ZBTB41: variants seen among roughly 807,000 people sequenced by gnomAD.
ZBTB41 encodes the protein zinc finger and BTB domain-containing protein 41.
In ZBTB41, 42 loss-of-function variants were observed where a neutral mutation model predicts 87.6. That is an observed-to-expected ratio of 0.48 (90% CI 0.37 to 0.62). ZBTB41 has a LOEUF of 0.62. Ranked by LOEUF, ZBTB41 falls within the 20% of genes least tolerant of loss-of-function variation. ZBTB41 has a pLI of 0.00. For synonymous variants in ZBTB41, 364 were observed against 364.0 expected (o/e 1.00, Z 0.00); for missense variants, 799 against 1,078.9 (o/e 0.74, Z 3.63).
intron 5 of ZBTB41, among the ~76,000 whole-genome samples, chr1:197,187,790 A>T (rs1304173260): frequency 6.6e-6 from 1 of 152,172 alleles, no homozygotes; most frequent in Non-Finnish European, 1.5e-5. Context: ...CAGTAAAAAG[A>T]TCATCAAATA....
chr1:197,173,297 AGGATT>A (rs1356458930), intron 9 of ZBTB41, among the ~76,000 whole-genome samples: 1 of 152,168 alleles, frequency 6.6e-6, no homozygotes, highest in African/African-American at 2.4e-5. Flanking sequence ...TACTATGCCT[AGGATT>A]TTAAATGTCC....
chr1:197,200,391 G>A lies in ZBTB41; in HGVS notation c.83C>T (p.Ala28Val), dbSNP rs1195368882. 3.7e-6 allele frequency: 6 copies of A among 1,613,650 alleles called. No individual in the cohort carries two copies. The highest frequency in any genetic ancestry group is 5.1e-6 in the Non-Finnish European group (6 of 1,179,896). Residue 28 changes from alanine to valine, a missense_variant, in exon 2 of 11, where the codon GCA (alanine) becomes GTA (valine). Transcript: ENST00000367405. ...YHKDSSEGNV[A>V]VECDQVTYTH... ...ATAGGTCACTTGGTCACACTCCACT[G>A]CAACATTTCCTTCTGAAGAATCTTT...
At chr1:197,184,793 A>G (rs1659839510) in intron 5 of ZBTB41, among the ~76,000 whole-genome samples, 1 of 78,942 alleles carries the variant, frequency 1.3e-5, no homozygotes, top group Admixed American at 1.8e-4. Context: ...TAAGTTTACA[A>G]CTATTTATTT....
At position 197,191,700 on chromosome 1, in the gene ZBTB41, A is replaced by G; in HGVS notation, c.1320T>C (p.His440=). Residue 440 remains histidine, a synonymous_variant, in exon 3 of 11, where the codon CAT becomes CAC. Coordinates refer to ENST00000367405, the MANE Select transcript of ZBTB41 (RefSeq NM_194314.3). ...AGCAAGATAATACTTGCCTCTTAAC[A>G]TGCTTGGCTAAAGTCTTCTTGCTTG... ...LHASKKTLAK[H]VKRFHPENAQ... 2 of 1,611,704 alleles carry G rather than the reference A, an allele frequency of 1.2e-6. No individual in the cohort carries two copies. Among genetic ancestry groups the G allele is most frequent in the Non-Finnish European group, 1.7e-6 (2 of 1,178,932 alleles).
At chr1:197,190,908 A>G (rs1660010219) in intron 3 of ZBTB41, 77 bp from the exon 4 acceptor site, 2 of 918,298 alleles carry the variant, frequency 2.2e-6, no homozygotes, top group African/African-American at 3.4e-5. Context: ...ATATGTTGAC[A>G]GTAATTACCA....
chr1:197,184,015 T>C (rs1659822578), intron 5 of ZBTB41, among the ~76,000 whole-genome samples: 1 of 152,202 alleles, frequency 6.6e-6, no homozygotes, highest in Admixed American at 6.5e-5. Context: ...GTTCCAACAC[T>C]TAAAAAGTTA....
In ZBTB41 at chr1:197,200,445, T is replaced by C; in HGVS notation, c.29A>G (p.Asn10Ser). The C allele has an allele frequency of 1.9e-6, 3 of 1,600,966 alleles. No homozygotes were observed. The Admixed American group carries it at 5.3e-5, about 28-fold the overall frequency. ...ATAGCCTAGATGGATCTTCTCAAGA[T>C]TTGAAGTAACCTTTCTCCTCTTCTT... MKKRRKVTSNLEKIHLGYHK... is the reference protein window; with the variant it reads MKKRRKVTSSLEKIHLGYHK... Residue 10 changes from asparagine (N) to serine (S), a missense_variant, in exon 2 of 11, where the codon AAT becomes AGT. This residue lies in a region of ZBTB41 where 77 missense variants were observed against 68.4 expected (regional missense o/e 1.13). Transcript: ENST00000367405.
In ZBTB41 at chr1:197,196,395, T is replaced by A. The variant is rs535523305; in HGVS notation, c.1120+2959A>T. ...GTCTACTTAGTCTACATTCAATGTA[T>A]CATAACTCTCTGCTTTACTCTCATT... On this transcript the variant is annotated intron_variant, in intron 2 of 10. Transcript: ENST00000367405. Among the ~76,000 whole-genome samples, 6 of 152,278 alleles carry A rather than the reference T, an allele frequency of 3.9e-5. No individual in the cohort carries two copies. In the South Asian group the frequency reaches 6.2e-4, roughly 16 times the overall value.
At position 197,199,289 on chromosome 1, in the gene ZBTB41, A is replaced by G. The variant is rs1322549650; in HGVS notation, c.1120+65T>C. 2.9e-6 allele frequency: 4 copies of G among 1,400,034 alleles called. No individual in the cohort carries two copies. The African/African-American group carries it at 4.4e-5, about 15-fold the overall frequency. 86.7% of individuals were successfully genotyped at this position (1,400,034 alleles called of 1,614,324 possible). A position where few individuals can be genotyped will look rare whatever the true frequency, so the allele number is the denominator to read the frequency against. On this transcript the variant is annotated intron_variant, in intron 2 of 10. Transcript: ENST00000367405. Reference sequence around the variant, plus strand: ...TACTTTCCAAGTTTAGTTTTTATTTATCACCTTTAAAATATCCAAGAAAAG... The same window carrying G: ...TACTTTCCAAGTTTAGTTTTTATTTGTCACCTTTAAAATATCCAAGAAAAG...
intron 2 of ZBTB41, among the ~76,000 whole-genome samples, chr1:197,193,390 A>T (rs895859256): frequency 6.6e-6 from 1 of 151,936 alleles, no homozygotes; most frequent in Admixed American, 6.6e-5. Flanking sequence ...ACAAACAAAA[A>T]AAAAACCAAA....
chr1:197,179,634 C>G (rs1405286395), intron 6 of ZBTB41, among the ~76,000 whole-genome samples: 1 of 152,006 alleles, frequency 6.6e-6, no homozygotes, highest in Non-Finnish European at 1.5e-5. Flanking sequence ...TGTACTGTCC[C>G]TGAAGACCTT....
chr1:197,181,472 A>C (rs1473698568), intron 5 of ZBTB41, among the ~76,000 whole-genome samples: 1 of 152,144 alleles, frequency 6.6e-6, no homozygotes, highest in African/African-American at 2.4e-5. Context: ...GGAGGACTTA[A>C]GAGAGTTTAT....
intron 5 of ZBTB41, among the ~76,000 whole-genome samples, chr1:197,186,336 A>G (rs999440406): frequency 6.6e-6 from 1 of 152,156 alleles, no homozygotes; most frequent in Non-Finnish European, 1.5e-5. Context: ...AAGTGAACTC[A>G]AAATGAATCA....
Position 197,191,794 on chromosome 1 carries a change from T to A in ZBTB41, c.1226A>T (p.Lys409Met), listed in dbSNP as rs1660042311. ...STKSNLTVHRKKHSNETEFHK... is the reference protein window; with the variant it reads ...STKSNLTVHRMKHSNETEFHK... Reference sequence around the variant, plus strand: ...AAATTCTGTTTCATTACTGTGCTTCTTTCTGTGAACAGTTAGGTTAGACTT... The same window carrying A: ...AAATTCTGTTTCATTACTGTGCTTCATTCTGTGAACAGTTAGGTTAGACTT... The change falls in exon 3 of 11, where the codon AAG (lysine) becomes ATG (methionine). Residue 409 changes from lysine (K) to methionine (M), a missense_variant. By Grantham distance (95) the Lys-to-Met change is moderately conservative. Around this residue, in one of 5 missense-constraint regions of ZBTB41, gnomAD observed 294 missense variants for 340.1 expected, o/e 0.86. Transcript: ENST00000367405. 6.2e-7 allele frequency: 1 copy of A among 1,613,812 alleles called. No homozygotes were observed. The highest frequency in any genetic ancestry group is 1.3e-5 in the African/African-American group (1 of 74,926).
intron 1 of ZBTB41, among the ~76,000 whole-genome samples, chr1:197,200,865 T>G (rs1652752620): frequency 6.6e-6 from 1 of 151,974 alleles, no homozygotes. Flanking sequence ...AGGGGAGAGA[T>G]CTTCCAAGAT....
At chr1:197,177,223 A>G (rs1043915200) in intron 7 of ZBTB41, among the ~76,000 whole-genome samples, 3 of 152,108 alleles carry the variant, frequency 2.0e-5, no homozygotes, top group African/African-American at 7.2e-5. Context: ...CAGTTTCCCC[A>G]TGCTGTTCTT....
At chr1:197,195,319 C>T in intron 2 of ZBTB41, among the ~76,000 whole-genome samples, 1 of 152,152 alleles carries the variant, frequency 6.6e-6, no homozygotes, top group East Asian at 1.9e-4. Context: ...GATATTTTCA[C>T]ATGAACAAAT....
At position 197,154,679 on chromosome 1, in the gene ZBTB41, C is replaced by T. The variant is rs986159641; in HGVS notation, c.*4680G>A. The T allele has an allele frequency of 3.3e-5, 5 of 152,120 alleles. No homozygotes were observed. Among genetic ancestry groups the T allele is most frequent in the Non-Finnish European group, 7.4e-5 (5 of 67,854 alleles). 9.4% of individuals were successfully genotyped at this position (152,120 alleles called of 1,614,324 possible). ...AAATAAGGAGGGGATTCCCTCTACC[C>T]TCAAAACAAACAAACAAACAAAAAA... On this transcript the variant is annotated 3_prime_UTR_variant, in exon 11 of 11. Transcript: ENST00000367405.
chr1:197,168,170 T>A (rs993670340), intron 10 of ZBTB41, among the ~76,000 whole-genome samples: 1 of 151,688 alleles, frequency 6.6e-6, no homozygotes, highest in Non-Finnish European at 1.5e-5. Flanking sequence ...TACAAAAATA[T>A]CAAATACCTA....
Sources: gnomAD v4.1 joint callset for allele counts (sites outside exome capture counted in the v4.1 genomes callset) on GRCh38, gnomAD v4.1.1 for gene constraint, gnomAD v4.1.1 regional missense constraint, MANE v1.5 for transcripts, NCBI Gene and HGNC (gene_info 2026-07-23, HGNC 2026-07-21) for gene names.